PCDH15: variants seen among roughly 807,000 people sequenced by gnomAD.
The protein encoded by PCDH15 is protocadherin-15.
A neutral mutation model predicts 178.5 loss-of-function variants in PCDH15; 129 were observed. The observed-to-expected ratio is 0.72, with a 90% CI of 0.63 to 0.84. The LOEUF (loss-of-function observed/expected upper bound fraction) is 0.84, where lower values mean the gene tolerates loss of function less well. PCDH15 is among the 40% of genes least tolerant of loss of function. PCDH15 has a pLI of 0.00. For synonymous variants in PCDH15, 800 were observed against 732.0 expected (o/e 1.09, Z -1.50); for missense variants, 2,230 against 2,099.9 (o/e 1.06, Z -1.21).
chr10:55,555,749 T>C (rs1473465348), intron 2 of PCDH15, among the ~76,000 whole-genome samples: 2 of 152,226 alleles, frequency 1.3e-5, no homozygotes, highest in Admixed American at 1.3e-4. Context: ...TTTAAGTGAT[T>C]TTAAAGTATA....
At chr10:55,367,436 T>C (rs899055394) in intron 2 of PCDH15, among the ~76,000 whole-genome samples, 5 of 151,758 alleles carry the variant, frequency 3.3e-5, no homozygotes, top group African/African-American at 9.7e-5. Flanking sequence ...AAAAAGTTAG[T>C]TGGACATGGT....
At chr10:54,325,564 C>T (rs1937797282) in intron 7 of PCDH15, among the ~76,000 whole-genome samples, 1 of 152,004 alleles carries the variant, frequency 6.6e-6, no homozygotes, top group African/African-American at 2.4e-5. Context: ...GCCTGACCAA[C>T]ATGCTGAAAC....
intron 37 of PCDH15, chr10:53,808,939 G>T (rs2075761827): frequency 1.9e-6 from 3 of 1,562,098 alleles, no homozygotes; most frequent in Non-Finnish European, 2.6e-6. Context: ...TTCCACAGGG[G>T]CTGGTCCACT....
At chr10:55,274,701 G>A (rs938446632) in intron 1 of PCDH15, among the ~76,000 whole-genome samples, 4 of 152,106 alleles carry the variant, frequency 2.6e-5, no homozygotes, top group African/African-American at 9.7e-5. Flanking sequence ...CCTGTTTCAT[G>A]GAAGACAAAT....
At chr10:54,633,895 A>C (rs1055221088) in intron 2 of PCDH15, among the ~76,000 whole-genome samples, 4 of 152,098 alleles carry the variant, frequency 2.6e-5, no homozygotes, top group African/African-American at 9.7e-5. Flanking sequence ...TTTTAGAGAA[A>C]ATGTCTTCTG....
intron 2 of PCDH15, among the ~76,000 whole-genome samples, chr10:54,593,135 GTTGA>G (rs1201692442): frequency 6.6e-6 from 1 of 152,026 alleles, no homozygotes; most frequent in Non-Finnish European, 1.5e-5. Flanking sequence ...TTTTCAGTCT[GTTGA>G]TTGTTTCTTT....
intron 3 of PCDH15, among the ~76,000 whole-genome samples, chr10:54,497,743 C>T (rs551692453): frequency 1.2e-4 from 18 of 150,218 alleles, no homozygotes; most frequent in East Asian, 3.9e-4. Context: ...TAATGCAGGC[C>T]GAAAAAAATA....
chr10:54,538,579 T>G (rs992328504), intron 2 of PCDH15, among the ~76,000 whole-genome samples: 1 of 152,158 alleles, frequency 6.6e-6, no homozygotes, highest in Non-Finnish European at 1.5e-5. Context: ...GGTTTGAACT[T>G]GTGTCCCCAT....
At chr10:54,133,674 AT>A (rs2042638563) in intron 14 of PCDH15, among the ~76,000 whole-genome samples, 1 of 152,194 alleles carries the variant, frequency 6.6e-6, no homozygotes, top group East Asian at 1.9e-4. Flanking sequence ...AGGAAAAAAA[AT>A]TAGCATTGAC....
chr10:55,379,121 T>TATATATATATATAA (rs953825079), intron 2 of PCDH15, among the ~76,000 whole-genome samples: 57 of 151,542 alleles, frequency 3.8e-4, no homozygotes, highest in African/African-American at 1.4e-3. Flanking sequence ...TATATATATA[T>TATATATATATATAA]ATGTATGTAT....
At chr10:54,401,608 C>T (rs1019590302) in intron 3 of PCDH15, among the ~76,000 whole-genome samples, 14 of 151,628 alleles carry the variant, frequency 9.2e-5, no homozygotes, top group Admixed American at 6.6e-4. Flanking sequence ...TTAAGTGAAA[C>T]ATGAATGAAA....
chr10:55,478,023 C>A (rs971192014), intron 2 of PCDH15, among the ~76,000 whole-genome samples: 3 of 151,530 alleles, frequency 2.0e-5, no homozygotes, highest in Non-Finnish European at 4.4e-5. Flanking sequence ...CAAAAAGTAG[C>A]AGGAGTAACT....
intron 5 of PCDH15, among the ~76,000 whole-genome samples, chr10:54,366,700 A>G (rs1279026140): frequency 6.6e-6 from 1 of 151,954 alleles, no homozygotes; most frequent in African/African-American, 2.4e-5. Flanking sequence ...TGCTATTTCA[A>G]GCTTTAAATG....
In PCDH15 at chr10:54,427,937, G is replaced by A. The variant is rs141682797; in HGVS notation, c.158-48995C>T. Among the ~76,000 whole-genome samples the A allele has an allele frequency of 1.5e-4, 23 of 152,188 alleles. No homozygotes were observed. In the East Asian group the frequency reaches 4.5e-3, roughly 29 times the overall value. The stretch of plus-strand genomic sequence containing the variant: ...ACAATTCCTCAGCATAAGAAACACT[G>A]AAGTAGACAATTGTTAAGAAAACAA... On this transcript the variant is annotated intron_variant, in intron 3 of 37. Transcript: ENST00000644397.
intron 2 of PCDH15, among the ~76,000 whole-genome samples, chr10:54,945,696 G>T (rs1838180832): frequency 6.6e-6 from 1 of 151,682 alleles, no homozygotes; most frequent in Admixed American, 6.6e-5. Context: ...CATCCAAGCA[G>T]CCATTGGAGT....
At chr10:54,550,736 G>T (rs2086477574) in intron 2 of PCDH15, among the ~76,000 whole-genome samples, 1 of 152,304 alleles carries the variant, frequency 6.6e-6, no homozygotes, top group Admixed American at 6.5e-5. Flanking sequence ...TCAAGTATAT[G>T]ATTTTCTATA....
chr10:54,929,122 T>C (rs1219201261), intron 2 of PCDH15, among the ~76,000 whole-genome samples: 2 of 152,324 alleles, frequency 1.3e-5, no homozygotes, highest in Middle Eastern at 3.4e-3. Context: ...TTATCCTATT[T>C]GATGACCATG....
At chr10:55,297,621 A>C (rs144865782) in intron 1 of PCDH15, among the ~76,000 whole-genome samples, 9 of 152,102 alleles carry the variant, frequency 5.9e-5, no homozygotes, top group African/African-American at 1.9e-4. Context: ...CTCAATTTAT[A>C]TGACTTTAAA....
At chr10:54,484,205 C>T (rs1409452924) in intron 3 of PCDH15, among the ~76,000 whole-genome samples, 1 of 151,760 alleles carries the variant, frequency 6.6e-6, no homozygotes, top group Non-Finnish European at 1.5e-5. Context: ...ATACATACAC[C>T]TCTATAATGT....
Sources: gnomAD v4.1 joint callset for allele counts (sites outside exome capture counted in the v4.1 genomes callset) on GRCh38, gnomAD v4.1.1 for gene constraint, MANE v1.5 for transcripts, NCBI Gene and HGNC (gene_info 2026-07-23, HGNC 2026-07-21) for gene names.